Variants in SATB2 observed in about 807,000 individuals in gnomAD.
SATB2 encodes the protein SATB homeobox 2, also known as DNA-binding protein SATB2.
SATB2 carries 1 observed loss-of-function variant against 73.4 expected under a neutral mutation model. The observed-to-expected ratio is 0.01, with a 90% CI of 0.00 to 0.06. The LOEUF is 0.06. Ranked by LOEUF, SATB2 falls within the 10% of genes least tolerant of loss-of-function variation. The pLI is 1.00. For missense variants in SATB2, 459 were observed against 945.8 expected (o/e 0.49, Z 6.75); for synonymous variants, 397 against 367.0 (o/e 1.08, Z -0.93).
At position 199,305,463 on chromosome 2, in the gene SATB2, T is replaced by A. The variant is rs180844562; in HGVS notation, c.1740+3297A>T. 1.0e-3 allele frequency among the ~76,000 whole-genome samples: 156 copies of A among 152,314 alleles called. 1 individual carries two copies. The highest frequency in any genetic ancestry group is 2.3e-3 in the South Asian group (11 of 4,830). ...GGCCCCCATGATACAAGTTTACCTA[T>A]GTAATGAACCTGTACATGTACCCCT... On this transcript the variant is annotated intron_variant, in intron 10 of 10. Transcript: ENST00000417098.
intron 9 of SATB2, among the ~76,000 whole-genome samples, chr2:199,313,072 T>G (rs1279520216): frequency 6.6e-6 from 1 of 152,160 alleles, no homozygotes; most frequent in Non-Finnish European, 1.5e-5. Flanking sequence ...AGAATAAGGT[T>G]TTTGTTTAGT....
intron 6 of SATB2, among the ~76,000 whole-genome samples, chr2:199,355,923 A>G (rs528121821): frequency 5.2e-4 from 79 of 152,268 alleles, no homozygotes; most frequent in Non-Finnish European, 1.1e-3. Context: ...AAGATAGATA[A>G]TATTTCTAAA....
chr2:199,448,182 C>T (rs758772681), intron 2 of SATB2, among the ~76,000 whole-genome samples: 8 of 152,062 alleles, frequency 5.3e-5, no homozygotes, highest in Non-Finnish European at 1.0e-4. Flanking sequence ...ATGAATGCAT[C>T]GTCAGTAAGC....
At chr2:199,399,489 C>T (rs1304287244) in intron 3 of SATB2, among the ~76,000 whole-genome samples, 3 of 152,064 alleles carry the variant, frequency 2.0e-5, no homozygotes, top group African/African-American at 7.2e-5. Context: ...TATTAATTTT[C>T]ACAAAAATCC....
At chr2:199,280,969 G>A (rs1379128693) in intron 10 of SATB2, among the ~76,000 whole-genome samples, 1 of 152,116 alleles carries the variant, frequency 6.6e-6, no homozygotes. Context: ...GGCTTGTGGG[G>A]CATCAGGGAA....
chr2:199,455,773 C>G lies in SATB2; in HGVS notation c.169+96G>C. 1 of 1,390,100 alleles carries G rather than the reference C, an allele frequency of 7.2e-7. No homozygotes were observed. Among genetic ancestry groups the G allele is most frequent in the Non-Finnish European group, 9.8e-7 (1 of 1,016,508 alleles). 86.1% of individuals were successfully genotyped at this position (1,390,100 alleles called of 1,614,324 possible). A position where few individuals can be genotyped will look rare whatever the true frequency, so the allele number is the denominator to read the frequency against. On this transcript the variant is annotated intron_variant, in intron 2 of 10. Coordinates refer to ENST00000417098, the MANE Select transcript of SATB2 (RefSeq NM_001172509.2). This position sits in a 1 kb window ranked among gnomAD's most constrained non-coding sequence, Gnocchi z 4.1. The stretch of plus-strand genomic sequence containing the variant: ...CAACCTGGAATTCACTTCCTGTAAT[C>G]CTACACCGCGACAGCGCCTAATCAA...
At chr2:199,325,061 G>T (rs1325198539) in intron 8 of SATB2, among the ~76,000 whole-genome samples, 1 of 152,154 alleles carries the variant, frequency 6.6e-6, no homozygotes, top group Non-Finnish European at 1.5e-5. Context: ...GACAAATGGT[G>T]TCTAGCGGCA....
chr2:199,294,166 A>C (rs1225743405), intron 10 of SATB2, among the ~76,000 whole-genome samples: 1 of 152,158 alleles, frequency 6.6e-6, no homozygotes, highest in East Asian at 1.9e-4. Context: ...TACACGTTCT[A>C]TATGTGAGGA....
chr2:199,297,751 CTCAGAGATGAT>C (rs1687152544), intron 10 of SATB2, among the ~76,000 whole-genome samples: 1 of 151,706 alleles, frequency 6.6e-6, no homozygotes, highest in African/African-American at 2.4e-5. Flanking sequence ...CAGCAGAAGT[CTCAGAGATGAT>C]ACAGAGGCTG....
chr2:199,456,794 GCT>G (rs2105958603), intron 1 of SATB2, among the ~76,000 whole-genome samples: 1 of 152,332 alleles, frequency 6.6e-6, no homozygotes, highest in East Asian at 1.9e-4. Context: ...GATCCCCAGT[GCT>G]TTTTTAAAGC....
chr2:199,452,131 G>A (rs1692142800), intron 2 of SATB2, among the ~76,000 whole-genome samples: 1 of 151,796 alleles, frequency 6.6e-6, no homozygotes, highest in African/African-American at 2.4e-5. Flanking sequence ...AAAATTCATA[G>A]GAAAATGAAA....
chr2:199,400,800 T>C (rs1276610061), intron 3 of SATB2, among the ~76,000 whole-genome samples: 1 of 152,194 alleles, frequency 6.6e-6, no homozygotes, highest in Non-Finnish European at 1.5e-5. Context: ...TATTTTTGAC[T>C]CCAAAGCCCA....
intron 3 of SATB2, among the ~76,000 whole-genome samples, chr2:199,415,382 A>G (rs1222869303): frequency 2.0e-5 from 3 of 152,238 alleles, no homozygotes; most frequent in African/African-American, 7.2e-5. Context: ...ATAAATCTCC[A>G]AGAATAAATT....
chr2:199,402,856 C>T (rs182243644), intron 3 of SATB2, among the ~76,000 whole-genome samples: 35 of 152,290 alleles, frequency 2.3e-4, no homozygotes, highest in Non-Finnish European at 4.1e-4. Flanking sequence ...ACAGTCTTGT[C>T]ATTTCAGGCA....
At chr2:199,382,724 A>G (rs183614812) in intron 3 of SATB2, among the ~76,000 whole-genome samples, 3 of 152,302 alleles carry the variant, frequency 2.0e-5, no homozygotes, top group Admixed American at 6.5e-5. Flanking sequence ...CCCATTTCAC[A>G]TATGACACAG....
intron 5 of SATB2, among the ~76,000 whole-genome samples, chr2:199,372,956 T>C (rs184669014): frequency 1.1e-3 from 165 of 152,298 alleles, no homozygotes; most frequent in African/African-American, 3.8e-3. Flanking sequence ...AGCATCCCCT[T>C]TTCCCAAAAT....
intron 3 of SATB2, among the ~76,000 whole-genome samples, chr2:199,420,508 G>A (rs2105913163): frequency 6.6e-6 from 1 of 152,252 alleles, no homozygotes; most frequent in Non-Finnish European, 1.5e-5. Context: ...ATCCCTTATT[G>A]AGTACTAAGT....
upstream of SATB2, among the ~76,000 whole-genome samples, chr2:199,462,106 T>C (rs1314387600): frequency 1.3e-5 from 2 of 152,204 alleles, no homozygotes; most frequent in African/African-American, 4.8e-5. This position sits in a 1 kb window ranked among gnomAD's most constrained non-coding sequence, Gnocchi z 5.9. Context: ...AGAGAGACCC[T>C]GCCTTTTAAA....
intron 3 of SATB2, among the ~76,000 whole-genome samples, chr2:199,431,045 A>G (rs1691486178): frequency 6.6e-6 from 1 of 152,254 alleles, no homozygotes; most frequent in Non-Finnish European, 1.5e-5. Flanking sequence ...TTTGCCAGGA[A>G]GTCCCTCAAG....
Sources: gnomAD v4.1 joint callset for allele counts (sites outside exome capture counted in the v4.1 genomes callset) on GRCh38, gnomAD v4.1.1 for gene constraint, Gnocchi (gnomAD v3.1) non-coding constraint, MANE v1.5 for transcripts, NCBI Gene and HGNC (gene_info 2026-07-23, HGNC 2026-07-21) for gene names.